The following PPM1D variants were observed in gnomAD, a reference collection of about 807,000 sequenced individuals.
The protein encoded by PPM1D is protein phosphatase 1D.
A neutral mutation model predicts 58.3 loss-of-function variants in PPM1D; 52 were observed. That is an observed-to-expected ratio of 0.89 (90% CI 0.71 to 1.12). PPM1D has a LOEUF of 1.12. Among genes scored for constraint, PPM1D ranks in the 50% most tolerant of loss-of-function variants. The probability of loss-of-function intolerance (pLI) is 0.00; values close to 1 mark genes in which losing one functional copy is unlikely to be tolerated. For synonymous variants in PPM1D, 278 were observed against 285.1 expected (o/e 0.98, Z 0.25); for missense variants, 564 against 777.2 (o/e 0.73, Z 3.26).
At chr17:60,610,062 C>T (rs570192358) in intron 1 of PPM1D, among the ~76,000 whole-genome samples, 9 of 151,682 alleles carry the variant, frequency 5.9e-5, no homozygotes, top group East Asian at 3.9e-4. Context: ...CACCTGTAGT[C>T]GCAGCTACTC....
Position 60,600,244 on chromosome 17 carries a change from C to T in PPM1D, c.-171C>T, listed in dbSNP as rs2030169538. On this transcript the variant is annotated 5_prime_UTR_variant, in exon 1 of 6. Coordinates refer to ENST00000305921, the MANE Select transcript of PPM1D (RefSeq NM_003620.4). ...TGCTCGCTCCGGCGCTCCGGCCCAG[C>T]TCTCGCGGACAAGTCCAGACATCGC... is the stretch of plus-strand genomic sequence containing the variant. The T allele has an allele frequency of 7.6e-7, 1 of 1,317,630 alleles. No individual in the cohort carries two copies. The highest frequency in any genetic ancestry group is 1.0e-6 in the Non-Finnish European group (1 of 997,790). The allele number at this position is 1,317,630 out of a possible 1,614,324, so 81.6% of individuals were successfully genotyped here.
intron 1 of PPM1D, among the ~76,000 whole-genome samples, 157 bp from the exon 2 acceptor site, chr17:60,623,364 C>T (rs1350627044): frequency 6.6e-6 from 1 of 152,052 alleles, no homozygotes; most frequent in Non-Finnish European, 1.5e-5. Context: ...ATTAATTAAC[C>T]TAAGTCCTTT....
chr17:60,636,363 G>A (rs2031022161), intron 3 of PPM1D, among the ~76,000 whole-genome samples: 1 of 152,188 alleles, frequency 6.6e-6, no homozygotes. Context: ...GCTAGGTACT[G>A]TTCCAGGTGC....
rs112588307 is a variant in PPM1D, at chr17:60,629,708, G to A, written c.702-4145G>A. On this transcript the variant is annotated intron_variant, in intron 2 of 5. Coordinates refer to ENST00000305921, the MANE Select transcript of PPM1D (RefSeq NM_003620.4). Reference sequence around the variant, plus strand: ...TTATTATAATTTTAAATATTGGTAGGCCTGATTCCTTCTCATTAATCTTCC... The same window carrying A: ...TTATTATAATTTTAAATATTGGTAGACCTGATTCCTTCTCATTAATCTTCC... 3.8e-3 allele frequency among the ~76,000 whole-genome samples: 582 copies of A among 152,060 alleles called. 2 individuals are homozygous for A. The highest frequency in any genetic ancestry group is 0.013 in the African/African-American group (549 of 41,464).
At chr17:60,648,530 G>A (rs1352214301) in intron 4 of PPM1D, among the ~76,000 whole-genome samples, 7 of 151,678 alleles carry the variant, frequency 4.6e-5, no homozygotes, top group African/African-American at 1.7e-4. Context: ...GACTACAGGC[G>A]CCTGCCATCA....
At chr17:60,611,994 CACATGTAGCCACTGACT>C (rs1282640304) in intron 1 of PPM1D, among the ~76,000 whole-genome samples, 2 of 151,276 alleles carry the variant, frequency 1.3e-5, no homozygotes, top group South Asian at 2.1e-4. Flanking sequence ...GACTGGAGTA[CACATGTAGCCACTGACT>C]ACATGTAGTC....
At chr17:60,607,492 G>A (rs1034100121) in intron 1 of PPM1D, among the ~76,000 whole-genome samples, 1 of 152,082 alleles carries the variant, frequency 6.6e-6, no homozygotes, top group African/African-American at 2.4e-5. Context: ...CTGTCTCTGG[G>A]GTTTCTCCAT....
At chr17:60,633,736 A>C (rs1330413178) in intron 2 of PPM1D, 117 bp from the exon 3 acceptor site, 4 of 1,134,734 alleles carry the variant, frequency 3.5e-6, no homozygotes, top group African/African-American at 1.6e-5. Flanking sequence ...TTTGAAACAC[A>C]TAAGACATTA....
intron 1 of PPM1D, among the ~76,000 whole-genome samples, chr17:60,609,895 A>G (rs897195532): frequency 6.6e-6 from 1 of 152,190 alleles, no homozygotes; most frequent in Non-Finnish European, 1.5e-5. Context: ...ATACGTATGT[A>G]TAGGAGCCAA....
chr17:60,637,290 C>T (rs1035806361), intron 3 of PPM1D, among the ~76,000 whole-genome samples: 5 of 151,772 alleles, frequency 3.3e-5, no homozygotes, highest in Non-Finnish European at 7.4e-5. Flanking sequence ...TCACTCTGTG[C>T]CACAGGGGTT....
intron 3 of PPM1D, among the ~76,000 whole-genome samples, chr17:60,637,495 G>T (rs8079696): frequency 6.6e-6 from 1 of 152,180 alleles, no homozygotes; most frequent in African/African-American, 2.4e-5. Context: ...TAAAGGAGAG[G>T]TCGGAAGTTC....
intron 1 of PPM1D, among the ~76,000 whole-genome samples, chr17:60,622,853 T>G (rs2030733191): frequency 6.6e-6 from 1 of 152,184 alleles, no homozygotes; most frequent in South Asian, 2.1e-4. Context: ...TCCCAGCACT[T>G]TGGGAGGCCG....
chr17:60,637,196 C>G (rs974556434), intron 3 of PPM1D, among the ~76,000 whole-genome samples: 2 of 151,978 alleles, frequency 1.3e-5, no homozygotes, highest in Non-Finnish European at 2.9e-5. Flanking sequence ...GCAGAAGTAA[C>G]AAATGTAAGG....
rs2030195625 is a variant in PPM1D, at chr17:60,600,933, C to G, written c.472+47C>G. On this transcript the variant is annotated intron_variant, in intron 1 of 5. Coordinates refer to ENST00000305921, the MANE Select transcript of PPM1D (RefSeq NM_003620.4). The stretch of plus-strand genomic sequence containing the variant: ...GCGCCCGCCCCTTTTTCAGGCAGTT[C>G]AGGGCTTTTATGGCACCAGCCCCGC... 4 of 1,610,484 alleles carry G rather than the reference C, an allele frequency of 2.5e-6. No individual in the cohort carries two copies. In the South Asian group the frequency reaches 3.3e-5, roughly 13 times the overall value.
At chr17:60,641,440 T>C (rs996114741) in intron 3 of PPM1D, among the ~76,000 whole-genome samples, 2 of 152,206 alleles carry the variant, frequency 1.3e-5, no homozygotes, top group African/African-American at 2.4e-5. Context: ...GGGTTATTTG[T>C]TTTTAACTTG....
Position 60,663,495 on chromosome 17 carries a change from G to A in PPM1D, c.1761G>A (p.Gln587=), listed in dbSNP as rs2143733632. Residue 587 remains glutamine, a synonymous_variant, in exon 6 of 6, where the codon CAG becomes CAA. Transcript: ENST00000305921. ...CCATGCGACGCAGACTTAGGGGCCA[G>A]AAGAAAATTGGAAATCCTTTACTTC... The part of the protein sequence containing the change: ...KLTMRRRLRG[Q]KKIGNPLLHQ... 6.2e-7 allele frequency: 1 copy of A among 1,613,302 alleles called. No individual in the cohort carries two copies. The highest frequency in any genetic ancestry group is 8.5e-7 in the Non-Finnish European group (1 of 1,180,034).
At chr17:60,649,819 A>G (rs1214785726) in intron 4 of PPM1D, among the ~76,000 whole-genome samples, 1 of 152,236 alleles carries the variant, frequency 6.6e-6, no homozygotes, top group Non-Finnish European at 1.5e-5. Context: ...AATATATAAA[A>G]AACTAACAAT....
chr17:60,642,279 G>A (rs1183103213), intron 3 of PPM1D, among the ~76,000 whole-genome samples: 3 of 145,952 alleles, frequency 2.1e-5, no homozygotes, highest in African/African-American at 7.6e-5. Flanking sequence ...ACAGGAATAA[G>A]TTAAAAAATA....
chr17:60,639,739 A>G (rs920927905), intron 3 of PPM1D, among the ~76,000 whole-genome samples: 2 of 152,190 alleles, frequency 1.3e-5, no homozygotes, highest in Non-Finnish European at 2.9e-5. Flanking sequence ...CACCCAGCCA[A>G]TTCTTAACTT....
Sources: allele counts gnomAD v4.1 joint callset (sites outside exome capture counted in the v4.1 genomes callset), GRCh38; gene constraint gnomAD v4.1.1; transcripts MANE v1.5; gene names NCBI Gene and HGNC (gene_info 2026-07-23, HGNC 2026-07-21).